The following RAD51B variants were observed in gnomAD, a reference collection of about 807,000 sequenced individuals.
RAD51B encodes DNA repair protein RAD51 homolog 2.
A neutral mutation model predicts 42.2 loss-of-function variants in RAD51B; 38 were observed. That is an observed-to-expected ratio of 0.90 (90% CI 0.70 to 1.18). The LOEUF (loss-of-function observed/expected upper bound fraction) is 1.18, where lower values mean the gene tolerates loss of function less well. RAD51B is among the 50% of genes most tolerant of loss of function. RAD51B has a pLI of 0.00. For synonymous variants in RAD51B, 154 were observed against 145.2 expected, an observed-to-expected ratio of 1.06 and a Z score of -0.43; for missense variants, 373 against 400.7, an observed-to-expected ratio of 0.93 and a Z score of 0.59.
At chr14:68,555,654 C>T (rs935957527) in intron 10 of RAD51B, among the ~76,000 whole-genome samples, 1 of 152,182 alleles carries the variant, frequency 6.6e-6, no homozygotes, top group Non-Finnish European at 1.5e-5. Flanking sequence ...TCTCTTCAGC[C>T]GGGGCACTGC....
At chr14:67,928,668 G>T (rs893918833) in intron 7 of RAD51B, among the ~76,000 whole-genome samples, 3 of 152,200 alleles carry the variant, frequency 2.0e-5, no homozygotes, top group African/African-American at 7.2e-5. Flanking sequence ...TGTTGGCCAT[G>T]TTGGGTGGAC....
chr14:68,624,479 G>C, intron 10 of RAD51B, among the ~76,000 whole-genome samples: 1 of 152,178 alleles, frequency 6.6e-6, no homozygotes, highest in East Asian at 1.9e-4. Context: ...AGAGCATGAA[G>C]TGGGGTCAAG....
chr14:68,299,886 T>G (rs1174727764), intron 8 of RAD51B, among the ~76,000 whole-genome samples: 1 of 152,238 alleles, frequency 6.6e-6, no homozygotes, highest in Admixed American at 6.5e-5. Context: ...GTCTTGCCTT[T>G]CCATGACACT....
intron 7 of RAD51B, among the ~76,000 whole-genome samples, chr14:67,942,715 C>T (rs905685548): frequency 2.0e-5 from 3 of 152,140 alleles, no homozygotes; most frequent in East Asian, 1.9e-4. Context: ...AGGAAGATTA[C>T]GGAGTCTATA....
intron 7 of RAD51B, among the ~76,000 whole-genome samples, chr14:68,253,856 A>T (rs117414447): frequency 1.3e-4 from 20 of 152,340 alleles, no homozygotes; most frequent in African/African-American, 4.6e-4. Flanking sequence ...CTCACTAAAT[A>T]TATTGCTATA....
intron 10 of RAD51B, among the ~76,000 whole-genome samples, chr14:68,519,056 CA>C (rs139977066): frequency 0.011 from 1,664 of 152,294 alleles, 27 homozygotes; most frequent in African/African-American, 0.037. Flanking sequence ...CCCAACTTCA[CA>C]ATCATGATGT....
At chr14:68,159,916 A>G (rs1211684247) in intron 7 of RAD51B, among the ~76,000 whole-genome samples, 3 of 152,158 alleles carry the variant, frequency 2.0e-5, no homozygotes, top group Non-Finnish European at 4.4e-5. Context: ...TTGGGTAGCC[A>G]TGTGAATTAT....
intron 7 of RAD51B, among the ~76,000 whole-genome samples, chr14:68,159,204 T>C (rs954964176): frequency 6.6e-6 from 1 of 152,142 alleles, no homozygotes; most frequent in Non-Finnish European, 1.5e-5. Context: ...TGGGTGTGTC[T>C]GTTTAGGGGG....
At chr14:68,592,088 A>T (rs1890768993) in intron 10 of RAD51B, among the ~76,000 whole-genome samples, 1 of 152,070 alleles carries the variant, frequency 6.6e-6, no homozygotes, top group African/African-American at 2.4e-5. Flanking sequence ...GATGGCCGTG[A>T]TACTGTGTCC....
chr14:68,126,904 A>C (rs770130487), intron 7 of RAD51B, among the ~76,000 whole-genome samples: 6 of 152,200 alleles, frequency 3.9e-5, no homozygotes, highest in Non-Finnish European at 8.8e-5. Flanking sequence ...AAGACTTTAA[A>C]GTAGCTGAGG....
At chr14:68,154,208 C>G (rs1006009897) in intron 7 of RAD51B, among the ~76,000 whole-genome samples, 1 of 152,104 alleles carries the variant, frequency 6.6e-6, no homozygotes, top group African/African-American at 2.4e-5. Context: ...AAATTTTAAA[C>G]TTTGTTTTGG....
intron 7 of RAD51B, among the ~76,000 whole-genome samples, chr14:68,078,721 G>A (rs2140484863): frequency 6.6e-6 from 1 of 152,242 alleles, no homozygotes; most frequent in African/African-American, 2.4e-5. Context: ...TGGACACGGT[G>A]GCTCATGCCC....
At chr14:67,821,860 G>A (rs537208043) in intron 1 of RAD51B, among the ~76,000 whole-genome samples, 1 of 152,140 alleles carries the variant, frequency 6.6e-6, no homozygotes, top group South Asian at 2.1e-4. Flanking sequence ...AAGACACTAG[G>A]CAATATTATA....
chr14:68,299,002 T>C (rs1341852801), intron 8 of RAD51B, among the ~76,000 whole-genome samples: 4 of 152,058 alleles, frequency 2.6e-5, no homozygotes, highest in African/African-American at 9.7e-5. Flanking sequence ...GAGGGTCCAG[T>C]TGAGTTCCGA....
At chr14:68,559,150 T>A (rs1344028677) in intron 10 of RAD51B, among the ~76,000 whole-genome samples, 2 of 151,714 alleles carry the variant, frequency 1.3e-5, no homozygotes, top group Non-Finnish European at 2.9e-5. Flanking sequence ...AAAAAACCTG[T>A]CCATATATAT....
At chr14:68,601,817 A>G (rs1297939073) in intron 10 of RAD51B, among the ~76,000 whole-genome samples, 1 of 152,122 alleles carries the variant, frequency 6.6e-6, no homozygotes, top group Non-Finnish European at 1.5e-5. Flanking sequence ...CTGGAACATG[A>G]CACTGGTCAC....
chr14:68,405,573 G>T (rs2084247948), intron 8 of RAD51B, among the ~76,000 whole-genome samples: 1 of 152,016 alleles, frequency 6.6e-6, no homozygotes, highest in South Asian at 2.1e-4. Context: ...GTCTATAGTA[G>T]ACTACAGTCA....
At chr14:68,572,229 G>T (rs774519498) in intron 10 of RAD51B, among the ~76,000 whole-genome samples, 1 of 152,238 alleles carries the variant, frequency 6.6e-6, no homozygotes, top group Non-Finnish European at 1.5e-5. Flanking sequence ...GTTCCGCTAA[G>T]TGTCTATTGG....
chr14:68,030,101 C>T (rs1211884642), intron 7 of RAD51B, among the ~76,000 whole-genome samples: 1 of 152,182 alleles, frequency 6.6e-6, no homozygotes, highest in African/African-American at 2.4e-5. Flanking sequence ...GTTCTATTTC[C>T]AGTGCACAGG....
Sources: gnomAD v4.1 joint callset for allele counts (sites outside exome capture counted in the v4.1 genomes callset) on GRCh38, gnomAD v4.1.1 for gene constraint, MANE v1.5 for transcripts, NCBI Gene and HGNC (gene_info 2026-07-23, HGNC 2026-07-21) for gene names.